The following KDM3A variants were observed in gnomAD, a reference collection of about 807,000 sequenced individuals.
KDM3A encodes the protein lysine demethylase 3A.
Under a neutral mutation model 158.0 loss-of-function variants are expected in KDM3A, and 60 were observed. That is an observed-to-expected ratio of 0.38 (90% confidence interval 0.31 to 0.47). KDM3A has a LOEUF of 0.47. Among genes scored for constraint, KDM3A ranks in the 20% least tolerant of loss-of-function variants. The pLI is 0.99. For missense variants in KDM3A, 1,319 were observed against 1,574.3 expected (o/e 0.84, Z 2.74); for synonymous variants, 608 against 549.3 (o/e 1.11, Z -1.49).
Position 86,478,002 on chromosome 2 carries a change from C to T in KDM3A, c.2065C>T (p.Arg689Trp), listed in dbSNP as rs1374798508. The T allele has an allele frequency of 1.3e-5, 21 of 1,614,062 alleles. No homozygotes were observed. The highest frequency in any genetic ancestry group is 3.3e-5 in the South Asian group (3 of 91,074). Residue 689 changes from arginine (R) to tryptophan (W), a missense_variant, in exon 13 of 26, where the codon CGG (arginine) becomes TGG (tryptophan). Arg to Trp is a moderately radical substitution (Grantham distance 101, BLOSUM62 -3). Transcript: ENST00000312912. Reference protein sequence around the residue: ...CGFGVCVDCYRMKRKNCQQGA... With the variant: ...CGFGVCVDCYWMKRKNCQQGA... Reference sequence around the variant, plus strand: ...GTTTGGAGTATGTGTGGACTGCTACCGGATGAAGAGAAAGAATTGCCAACA... The same window carrying T: ...GTTTGGAGTATGTGTGGACTGCTACTGGATGAAGAGAAAGAATTGCCAACA...
intron 2 of KDM3A, among the ~76,000 whole-genome samples, chr2:86,447,905 G>A (rs1430981216): frequency 2.0e-5 from 3 of 152,158 alleles, no homozygotes; most frequent in Admixed American, 6.5e-5. Flanking sequence ...GCTTGGTTGG[G>A]TTTGAGGTTG....
intron 12 of KDM3A, among the ~76,000 whole-genome samples, chr2:86,476,033 T>G (rs887639281): frequency 1.3e-5 from 2 of 152,236 alleles, no homozygotes; most frequent in African/African-American, 4.8e-5. Context: ...TCTTTAGAAT[T>G]ACTTCATTCT....
intron 2 of KDM3A, among the ~76,000 whole-genome samples, chr2:86,447,744 C>T (rs919389072): frequency 6.6e-6 from 1 of 152,174 alleles, no homozygotes; most frequent in Non-Finnish European, 1.5e-5. Context: ...CCTTTGTAAT[C>T]ATAAGTATTT....
chr2:86,473,350 A>G (rs968180830), intron 11 of KDM3A, among the ~76,000 whole-genome samples: 5 of 152,050 alleles, frequency 3.3e-5, no homozygotes, highest in African/African-American at 1.2e-4. Flanking sequence ...TTTTTTGTAG[A>G]GACAGGGTCT....
intron 2 of KDM3A, among the ~76,000 whole-genome samples, chr2:86,447,105 C>G (rs984357023): frequency 6.6e-6 from 1 of 152,146 alleles, no homozygotes; most frequent in Non-Finnish European, 1.5e-5. Flanking sequence ...AGTCACCATG[C>G]CTGACTGACA....
chr2:86,475,782 G>A (rs1357345113), intron 12 of KDM3A, among the ~76,000 whole-genome samples: 1 of 152,164 alleles, frequency 6.6e-6, no homozygotes, highest in Non-Finnish European at 1.5e-5. Context: ...TTCCTCTGGT[G>A]TGTCTCTTTT....
chr2:86,472,668 A>C (rs2104678999), intron 11 of KDM3A, among the ~76,000 whole-genome samples: 1 of 152,316 alleles, frequency 6.6e-6, no homozygotes, highest in East Asian at 1.9e-4. Context: ...TCTTTTGGAC[A>C]AATGGTTTTT....
In KDM3A at chr2:86,468,797, G is replaced by A. The variant is rs556787413; in HGVS notation, c.1520-1407G>A. On this transcript the variant is annotated intron_variant, in intron 10 of 25. Transcript: ENST00000312912. ...GTTCAGATAGATACGTGGCTCCTCG[G>A]AAGTGGGCGTTGCATTTTTCTCTTG... 2.0e-5 allele frequency among the ~76,000 whole-genome samples: 3 copies of A among 152,268 alleles called. No homozygotes were observed. In the East Asian group the frequency reaches 5.8e-4, roughly 29 times the overall value.
Position 86,464,092 on chromosome 2 carries a change from A to G in KDM3A, c.883A>G (p.Thr295Ala), listed in dbSNP as rs146075276. The G allele has an allele frequency of 7.4e-6, 12 of 1,612,358 alleles. No homozygotes were observed. Among genetic ancestry groups the G allele is most frequent in the Middle Eastern group, 1.6e-4 (1 of 6,068 alleles). The change falls in exon 9 of 26, where the codon ACA becomes GCA. Residue 295 changes from threonine to alanine, a missense_variant. Coordinates refer to ENST00000312912, the MANE Select transcript of KDM3A (RefSeq NM_018433.6). ...SMCPVQSVPT[T>A]VFKEILLGCT... ...GTGTCCTGTGCAGTCTGTACCTACA[A>G]CAGTTTTTAAGGAGATACTGCTTGG...
At chr2:86,456,729 T>C (rs573754410) in intron 6 of KDM3A, 76 bp from the exon 7 acceptor site, 17 of 1,328,436 alleles carry the variant, frequency 1.3e-5, no homozygotes, top group East Asian at 4.6e-5. Flanking sequence ...CCTATTGTTA[T>C]GTTAATGAAC....
intron 8 of KDM3A, 77 bp downstream of exon 8, chr2:86,457,148 T>C (rs1224233226): frequency 1.9e-6 from 1 of 528,160 alleles, no homozygotes; most frequent in African/African-American, 2.0e-5. Flanking sequence ...TTTTTTATTA[T>C]TTATTTAATT....
intron 23 of KDM3A, chr2:86,489,996 A>G (rs1353128084): frequency 1.1e-5 from 2 of 186,230 alleles, no homozygotes; most frequent in Admixed American, 5.5e-5. Flanking sequence ...GAATCTGAGC[A>G]CTTCAGACGT....
Position 86,468,327 on chromosome 2 carries a change from A to T in KDM3A, c.1519+1444A>T, listed in dbSNP as rs150545670. On this transcript the variant is annotated intron_variant, in intron 10 of 25. Transcript: ENST00000312912. ...CAGAAATTAGGTAACACTCAAAAGA[A>T]AGTACATATTCATAACCATATCCTT... Among the ~76,000 whole-genome samples, 363 of 152,322 alleles carry T rather than the reference A, an allele frequency of 2.4e-3. 5 individuals are homozygous for T. Among genetic ancestry groups the T allele is most frequent in the African/African-American group, 8.4e-3 (349 of 41,572 alleles).
chr2:86,469,913 G>C (rs932622680), intron 10 of KDM3A, among the ~76,000 whole-genome samples: 1 of 152,184 alleles, frequency 6.6e-6, no homozygotes, highest in African/African-American at 2.4e-5. Flanking sequence ...GTAGAGTTGT[G>C]AATAGAAGTA....
chr2:86,477,982 G>A lies in KDM3A; in HGVS notation c.2045G>A (p.Gly682Glu), dbSNP rs1161666198. The A allele has an allele frequency of 6.2e-7, 1 of 1,614,180 alleles. No individual in the cohort carries two copies. Among genetic ancestry groups the A allele is most frequent in the Non-Finnish European group, 8.5e-7 (1 of 1,180,026 alleles). Reference sequence around the variant, plus strand: ...TGGGTGTGTCCTCGGTGTGGGTTTGGAGTATGTGTGGACTGCTACCGGATG... The same window carrying A: ...TGGGTGTGTCCTCGGTGTGGGTTTGAAGTATGTGTGGACTGCTACCGGATG... ...LHWVCPRCGF[G>E]VCVDCYRMKR... The change falls in exon 13 of 26, where the codon GGA (glycine) becomes GAA (glutamate). Residue 682 changes from glycine (G) to glutamate (E), a missense_variant. Physicochemically the swap from Gly to Glu is moderately conservative, Grantham distance 98. Transcript: ENST00000312912.
At chr2:86,480,407 C>G in intron 16 of KDM3A, 45 bp downstream of exon 16, 1 of 1,530,828 alleles carries the variant, frequency 6.5e-7, no homozygotes, top group Non-Finnish European at 8.9e-7. Context: ...TATTTTAGTC[C>G]ATTCGTGGAA....
At chr2:86,464,777 A>G (rs1410242737) in intron 9 of KDM3A, among the ~76,000 whole-genome samples, 3 of 152,254 alleles carry the variant, frequency 2.0e-5, no homozygotes, top group East Asian at 3.8e-4. Flanking sequence ...CAGAGCAAGT[A>G]GTTTCAAGGG....
intron 2 of KDM3A, among the ~76,000 whole-genome samples, chr2:86,445,194 A>C (rs78649749): frequency 3.9e-5 from 6 of 152,104 alleles, no homozygotes; most frequent in Non-Finnish European, 8.8e-5. Flanking sequence ...ACTGCTTGGC[A>C]TGTAGTGTGT....
intron 1 of KDM3A, 79 bp downstream of exon 1, chr2:86,441,523 T>C (rs1472262827): frequency 6.6e-6 from 1 of 150,714 alleles, no homozygotes; most frequent in Non-Finnish European, 1.5e-5. Flanking sequence ...CGTCGCCCGT[T>C]GGCAGCGGCG....
Sources: gnomAD v4.1 joint callset for allele counts (sites outside exome capture counted in the v4.1 genomes callset) on GRCh38, gnomAD v4.1.1 for gene constraint, MANE v1.5 for transcripts, NCBI Gene and HGNC (gene_info 2026-07-23, HGNC 2026-07-21) for gene names.